Variants in MVB12B observed in about 807,000 individuals in gnomAD.
MVB12B encodes ESCRT-I complex subunit MVB12B.
MVB12B carries 16 observed loss-of-function variants against 41.6 expected under a neutral mutation model. That is an observed-to-expected ratio of 0.38 (90% confidence interval 0.26 to 0.58). The LOEUF (loss-of-function observed/expected upper bound fraction) is 0.58, where lower values mean the gene tolerates loss of function less well. MVB12B is among the 20% of genes least tolerant of loss of function. The pLI is 0.62. For synonymous variants in MVB12B, 133 were observed against 139.7 expected (o/e 0.95, Z 0.34); for missense variants, 274 against 380.2 (o/e 0.72, Z 2.32).
chr9:126,464,830 C>A (rs995375454), intron 7 of MVB12B, among the ~76,000 whole-genome samples: 1 of 152,218 alleles, frequency 6.6e-6, no homozygotes. Context: ...GCGGCCCTGA[C>A]AAGTTCCTTC....
At chr9:126,437,166 C>T (rs1832501661) in intron 7 of MVB12B, among the ~76,000 whole-genome samples, 1 of 152,106 alleles carries the variant, frequency 6.6e-6, no homozygotes. Flanking sequence ...CCAGCCCAGC[C>T]CAGGAGTGGC....
Position 126,478,066 on chromosome 9 carries a change from A to G in MVB12B, c.758-3303A>G, listed in dbSNP as rs1351133088. On this transcript the variant is annotated intron_variant, in intron 7 of 9. Coordinates refer to ENST00000361171, the MANE Select transcript of MVB12B (RefSeq NM_033446.3). This position sits in a 1 kb window ranked among gnomAD's most constrained non-coding sequence, Gnocchi z 4.2. ...GAGGGGTTTGGCTTTGGAGCGATGG[A>G]AATATTTTGGAACTAGATGGAGGTG... 6.6e-6 allele frequency among the ~76,000 whole-genome samples: 1 copy of G among 152,228 alleles called. No individual in the cohort carries two copies. Among genetic ancestry groups the G allele is most frequent in the Non-Finnish European group, 1.5e-5 (1 of 68,032 alleles).
rs781384210 is a variant in MVB12B, at chr9:126,395,556, T to C, written c.540-19T>C. On this transcript the variant is annotated intron_variant, in intron 5 of 9. Transcript: ENST00000361171. This position sits in a 1 kb window ranked among gnomAD's most constrained non-coding sequence, Gnocchi z 4.9. ...TTTGTGCTAACCAGAGCCATGAAGA[T>C]TTCTCTTTTTTCCTAAAGGGAACTG... The C allele has an allele frequency of 3.0e-5, 48 of 1,613,856 alleles. No individual in the cohort carries two copies. The highest frequency in any genetic ancestry group is 3.8e-5 in the Non-Finnish European group (45 of 1,179,910).
chr9:126,497,301 A>G (rs1300995822), intron 9 of MVB12B, among the ~76,000 whole-genome samples: 4 of 152,116 alleles, frequency 2.6e-5, no homozygotes, highest in South Asian at 2.1e-4. Context: ...TGCAGCTCCC[A>G]GGTTAGAGCT....
chr9:126,483,907 A>G (rs1046013854), intron 8 of MVB12B, 66 bp from the exon 9 acceptor site: 121 of 1,546,546 alleles, frequency 7.8e-5, no homozygotes, highest in Middle Eastern at 3.4e-4. Flanking sequence ...ATTGTCATGC[A>G]TAAAAGTAAG....
intron 6 of MVB12B, among the ~76,000 whole-genome samples, chr9:126,405,115 C>G (rs1472129286): frequency 6.6e-6 from 1 of 151,996 alleles, no homozygotes; most frequent in Non-Finnish European, 1.5e-5. Flanking sequence ...TCGGAGCTGG[C>G]CTTGGCGTTC....
At chr9:126,458,961 T>C (rs774759251) in intron 7 of MVB12B, among the ~76,000 whole-genome samples, 2 of 152,206 alleles carry the variant, frequency 1.3e-5, no homozygotes, top group Non-Finnish European at 2.9e-5. Flanking sequence ...GAATTTATTC[T>C]CTTTCTTTCT....
intron 7 of MVB12B, among the ~76,000 whole-genome samples, chr9:126,444,227 T>C (rs1369511260): frequency 6.6e-6 from 1 of 152,218 alleles, no homozygotes; most frequent in African/African-American, 2.4e-5. Flanking sequence ...CGGTGAATGT[T>C]CCTTTAAATA....
intron 7 of MVB12B, 96 bp downstream of exon 7, chr9:126,422,044 C>T: frequency 1.1e-6 from 1 of 874,802 alleles, no homozygotes; most frequent in East Asian, 2.5e-5. Flanking sequence ...GATCTGTCTG[C>T]CTTACCTCTC....
chr9:126,489,542 G>A (rs741024), intron 9 of MVB12B, among the ~76,000 whole-genome samples: 61,040 of 152,192 alleles, frequency 0.4, 13,047 homozygotes, highest in East Asian at 0.7. Context: ...AATTTTGAAG[G>A]AAAGGATCTG....
chr9:126,398,181 G>C (rs752367604), intron 6 of MVB12B, among the ~76,000 whole-genome samples: 4 of 151,728 alleles, frequency 2.6e-5, no homozygotes, highest in Non-Finnish European at 5.9e-5. Context: ...TCCTGGGCTG[G>C]GCCTGTGCTG....
chr9:126,334,751 A>T lies in MVB12B; in HGVS notation c.82-5757A>T, dbSNP rs535680695. ...TCATTTGCAGTAATCATGGGCAAGC[A>T]GGTGGTACCCACAGTGTACTGGAGA... On this transcript the variant is annotated intron_variant, in intron 1 of 9. Transcript: ENST00000361171. Among the ~76,000 whole-genome samples, 3 of 152,322 alleles carry T rather than the reference A, an allele frequency of 2.0e-5. No individual in the cohort carries two copies. In the South Asian group the frequency reaches 6.2e-4, roughly 32 times the overall value.
chr9:126,398,126 G>T (rs1278307239), intron 6 of MVB12B, among the ~76,000 whole-genome samples: 1 of 151,990 alleles, frequency 6.6e-6, no homozygotes, highest in Non-Finnish European at 1.5e-5. Context: ...TGTTTGACAG[G>T]TCTCAGCGCA....
chr9:126,371,208 A>G (rs1231387762), intron 2 of MVB12B, among the ~76,000 whole-genome samples: 1 of 152,176 alleles, frequency 6.6e-6, no homozygotes, highest in Non-Finnish European at 1.5e-5. Context: ...TAGGCTGCTG[A>G]TGCTGCTCTC....
chr9:126,423,728 CTA>C (rs1258344906), intron 7 of MVB12B, among the ~76,000 whole-genome samples: 1 of 152,204 alleles, frequency 6.6e-6, no homozygotes, highest in African/African-American at 2.4e-5. Flanking sequence ...CACTGGGCAA[CTA>C]TGGTACAACT....
At position 126,444,430 on chromosome 9, in the gene MVB12B, A is replaced by G. The variant is rs148832435; in HGVS notation, c.757+22482A>G. On this transcript the variant is annotated intron_variant, in intron 7 of 9. Transcript: ENST00000361171. ...AAGGTGAAGGGGTATTTTATTGTTA[A>G]TTTACATTTCTTTGATTACTGCTAA... Among the ~76,000 whole-genome samples the G allele has an allele frequency of 2.2e-3, 332 of 151,396 alleles. 1 individual carries two copies. The highest frequency in any genetic ancestry group is 7.5e-3 in the African/African-American group (311 of 41,234).
chr9:126,359,471 A>G lies in MVB12B; in HGVS notation c.204+18841A>G, dbSNP rs546222903. On this transcript the variant is annotated intron_variant, in intron 2 of 9. Coordinates refer to ENST00000361171, the MANE Select transcript of MVB12B (RefSeq NM_033446.3). The stretch of plus-strand genomic sequence containing the variant: ...CTGTTTTCTGAAATATTTAATGTTT[A>G]TTTGGTATTATTTATTCTGTAAATA... 4.0e-4 allele frequency among the ~76,000 whole-genome samples: 61 copies of G among 152,214 alleles called. 1 individual carries two copies. In the East Asian group the frequency reaches 9.3e-3, roughly 23 times the overall value.
At chr9:126,472,400 A>T (rs1166385743) in intron 7 of MVB12B, among the ~76,000 whole-genome samples, 1 of 151,998 alleles carries the variant, frequency 6.6e-6, no homozygotes, top group Non-Finnish European at 1.5e-5. Context: ...ATGTCCAAAC[A>T]AATGCAGCAT....
intron 2 of MVB12B, among the ~76,000 whole-genome samples, chr9:126,374,305 A>C (rs559640771): frequency 6.6e-6 from 1 of 152,358 alleles, no homozygotes; most frequent in East Asian, 1.9e-4. Context: ...CAGATCTTTC[A>C]GGGATTAAGG....
Sources: allele counts gnomAD v4.1 joint callset (sites outside exome capture counted in the v4.1 genomes callset), GRCh38; gene constraint gnomAD v4.1.1; non-coding constraint Gnocchi (gnomAD v3.1); transcripts MANE v1.5; gene names NCBI Gene and HGNC (gene_info 2026-07-23, HGNC 2026-07-21).